CADPS: variants seen among roughly 807,000 people sequenced by gnomAD.
CADPS encodes the protein calcium-dependent secretion activator 1.
A neutral mutation model predicts 167.3 loss-of-function variants in CADPS; 57 were observed. The ratio of observed to expected loss-of-function variants is 0.34; its 90% CI spans 0.28 to 0.42. The LOEUF is 0.42. Among genes scored for constraint, CADPS ranks in the 20% least tolerant of loss-of-function variants. The pLI, the probability that CADPS is intolerant of heterozygous loss-of-function variation, is 1.00. For missense variants in CADPS, 1,414 were observed against 1,738.1 expected (o/e 0.81, Z 3.32); for synonymous variants, 676 against 635.3 (o/e 1.06, Z -0.96).
chr3:62,678,255 G>A (rs2076624532), intron 3 of CADPS, among the ~76,000 whole-genome samples: 1 of 152,014 alleles, frequency 6.6e-6, no homozygotes, highest in East Asian at 1.9e-4. Flanking sequence ...GAAAATCTGG[G>A]GGTGGGGTAG....
chr3:62,414,895 C>A (rs1333751266), intron 28 of CADPS, among the ~76,000 whole-genome samples: 4 of 151,946 alleles, frequency 2.6e-5, no homozygotes, highest in Non-Finnish European at 5.9e-5. Flanking sequence ...CCCAAACCCA[C>A]TCTCCCCTCA....
intron 6 of CADPS, among the ~76,000 whole-genome samples, chr3:62,631,266 G>C (rs2065226786): frequency 6.6e-6 from 1 of 152,068 alleles, no homozygotes; most frequent in Admixed American, 6.5e-5. Flanking sequence ...ATTAACCTTG[G>C]TTTTAATACT....
At chr3:62,510,090 A>G (rs191337031) in intron 17 of CADPS, among the ~76,000 whole-genome samples, 1 of 151,870 alleles carries the variant, frequency 6.6e-6, no homozygotes, top group Non-Finnish European at 1.5e-5. Flanking sequence ...TTCTCTCCCC[A>G]CCTACCCATC....
intron 7 of CADPS, among the ~76,000 whole-genome samples, chr3:62,588,691 G>T (rs191564820): frequency 2.0e-5 from 3 of 152,218 alleles, no homozygotes; most frequent in South Asian, 4.1e-4. Flanking sequence ...TATAGCCAAA[G>T]ATGAAATAAT....
At position 62,653,158 on chromosome 3, in the gene CADPS, T is replaced by C. The variant is rs76508286; in HGVS notation, c.970-2078A>G. ...ACCTTCTTGGTAGCATTTATTGAAA[T>C]GGATTGAATGTTTGTGTCCTTGCCT... is the stretch of plus-strand genomic sequence containing the variant. On this transcript the variant is annotated intron_variant, in intron 4 of 29. Transcript: ENST00000383710. Among the ~76,000 whole-genome samples the C allele has an allele frequency of 3.4e-3, 523 of 152,318 alleles. 2 individuals carry two copies. The highest frequency in any genetic ancestry group is 0.012 in the African/African-American group (493 of 41,582).
chr3:62,552,267 T>C (rs957528232), intron 10 of CADPS, among the ~76,000 whole-genome samples: 2 of 149,006 alleles, frequency 1.3e-5, no homozygotes, highest in African/African-American at 2.5e-5. Context: ...TTAGGAGATA[T>C]ACCTAATGTT....
rs1293335137 is a variant in CADPS at position 62,601,256 on chromosome 3, G to A, written c.1326-8508C>T. On this transcript the variant is annotated intron_variant, in intron 6 of 29. Coordinates refer to ENST00000383710, the MANE Select transcript of CADPS (RefSeq NM_003716.4). The surrounding 1 kb of genome is among the most constrained non-coding windows in gnomAD (Gnocchi z 4.3). The stretch of plus-strand genomic sequence containing the variant: ...TCAAATTTTGATGCCCATCAATAAC[G>A]TTTTATTAGAACATAGTTAGCTTAC... Among the ~76,000 whole-genome samples the A allele has an allele frequency of 1.3e-5, 2 of 152,062 alleles. No individual in the cohort carries two copies. Among genetic ancestry groups the A allele is most frequent in the Admixed American group, 1.3e-4 (2 of 15,264 alleles).
intron 8 of CADPS, among the ~76,000 whole-genome samples, chr3:62,582,921 T>C (rs76044692): frequency 0.03 from 4,597 of 152,300 alleles, 116 homozygotes; most frequent in African/African-American, 0.067. Context: ...ATGAAGAGAA[T>C]GTGGGAAATG....
At chr3:62,474,563 T>A (rs973787351) in intron 23 of CADPS, among the ~76,000 whole-genome samples, 1 of 152,156 alleles carries the variant, frequency 6.6e-6, no homozygotes, top group Non-Finnish European at 1.5e-5. Flanking sequence ...GGCGTATTTC[T>A]CTCTATAGTT....
intron 10 of CADPS, among the ~76,000 whole-genome samples, chr3:62,553,925 C>T (rs1364785192): frequency 1.3e-5 from 2 of 152,104 alleles, no homozygotes; most frequent in Non-Finnish European, 2.9e-5. Flanking sequence ...GGGCACAGTC[C>T]CACAATTCAA....
intron 5 of CADPS, 68 bp from the exon 6 acceptor site, chr3:62,645,911 T>C: frequency 6.3e-7 from 1 of 1,575,298 alleles, no homozygotes. Flanking sequence ...CAGAGGAAAA[T>C]ACACAAATGA....
chr3:62,550,224 G>A (rs1218461428), intron 10 of CADPS, 109 bp from the exon 11 acceptor site: 21 of 778,278 alleles, frequency 2.7e-5, no homozygotes, highest in East Asian at 1.3e-4. Flanking sequence ...GACAGAAGAG[G>A]GGGGTAGTGA....
intron 3 of CADPS, among the ~76,000 whole-genome samples, chr3:62,745,995 G>A (rs2152344751): frequency 6.6e-6 from 1 of 152,284 alleles, no homozygotes; most frequent in East Asian, 1.9e-4. Flanking sequence ...AAGGAAAACA[G>A]CAAACACTGA....
At chr3:62,669,495 AC>A (rs2075132524) in intron 3 of CADPS, among the ~76,000 whole-genome samples, 2 of 152,074 alleles carry the variant, frequency 1.3e-5, no homozygotes, top group Admixed American at 1.3e-4. Flanking sequence ...CGCATTCAAG[AC>A]CTGGTTACTG....
At chr3:62,427,649 C>G in intron 28 of CADPS, among the ~76,000 whole-genome samples, 1 of 152,008 alleles carries the variant, frequency 6.6e-6, no homozygotes, top group South Asian at 2.1e-4. Context: ...AAAATCACCC[C>G]CCGGTAGAAG....
intron 24 of CADPS, among the ~76,000 whole-genome samples, chr3:62,469,035 G>C (rs2060265628): frequency 6.6e-6 from 1 of 152,152 alleles, no homozygotes; most frequent in South Asian, 2.1e-4. Flanking sequence ...GTGGTTGCAT[G>C]TGTATATACA....
chr3:62,572,006 C>T (rs1218091486), intron 8 of CADPS, among the ~76,000 whole-genome samples: 1 of 152,102 alleles, frequency 6.6e-6, no homozygotes. Flanking sequence ...CTGGTCATAC[C>T]GAAATACATT....
At chr3:62,638,591 C>T (rs968503144) in intron 6 of CADPS, among the ~76,000 whole-genome samples, 3 of 152,052 alleles carry the variant, frequency 2.0e-5, no homozygotes, top group African/African-American at 7.2e-5. Context: ...AGCCTTGTTT[C>T]ATAGCTACAC....
At chr3:62,671,376 C>A (rs1042642495) in intron 3 of CADPS, among the ~76,000 whole-genome samples, 10 of 151,952 alleles carry the variant, frequency 6.6e-5, no homozygotes, top group African/African-American at 1.2e-4. Context: ...GGAACTGAAG[C>A]CATTCAAAGA....
Sources: allele counts gnomAD v4.1 joint callset (sites outside exome capture counted in the v4.1 genomes callset), GRCh38; gene constraint gnomAD v4.1.1; non-coding constraint Gnocchi (gnomAD v3.1); transcripts MANE v1.5; gene names NCBI Gene and HGNC (gene_info 2026-07-23, HGNC 2026-07-21).